IGFN1: variants seen among roughly 807,000 people sequenced by gnomAD.
The protein encoded by IGFN1 is immunoglobulin-like and fibronectin type III domain-containing protein 1.
In IGFN1, 253 loss-of-function variants were observed where a neutral mutation model predicts 289.5. The observed-to-expected ratio is 0.87, with a 90% CI of 0.79 to 0.97. IGFN1 has a LOEUF of 0.97. Among genes scored for constraint, IGFN1 ranks in the 50% least tolerant of loss-of-function variants. The pLI is 0.00. For synonymous variants in IGFN1, 1,706 were observed against 1,788.5 expected (o/e 0.95, Z 1.16); for missense variants, 4,470 against 4,686.1 (o/e 0.95, Z 1.35).
Position 201,208,994 on chromosome 1 carries a change from C to A in IGFN1, c.4101C>A (p.Ser1367=). ...KADYSGGLKG[S]REIGSMDETD... is the part of the protein sequence containing the mutation. The stretch of plus-strand genomic sequence containing the variant: ...ATTATAGCGGTGGTTTAAAGGGTTC[C>A]AGGGAAATCGGGTCAATGGATGAAA... Residue 1367 remains serine, a synonymous_variant, in exon 12 of 24, where the codon TCC becomes TCA. Transcript: ENST00000335211. 6.5e-7 allele frequency: 1 copy of A among 1,532,474 alleles called. No homozygotes were observed. Among genetic ancestry groups the A allele is most frequent in the East Asian group, 2.5e-5 (1 of 40,530 alleles). 94.9% of individuals were successfully genotyped at this position (1,532,474 alleles called of 1,614,324 possible). A position where few individuals can be genotyped will look rare whatever the true frequency, so the allele number is the denominator to read the frequency against.
intron 9 of IGFN1, among the ~76,000 whole-genome samples, chr1:201,202,993 T>C (rs1667232190): frequency 1.3e-5 from 2 of 152,126 alleles, no homozygotes; most frequent in Non-Finnish European, 2.9e-5. Context: ...TGGCCTCAAG[T>C]GATTCACCCG....
intron 11 of IGFN1, among the ~76,000 whole-genome samples, chr1:201,205,743 G>A (rs1667387163): frequency 6.6e-6 from 1 of 152,248 alleles, no homozygotes; most frequent in African/African-American, 2.4e-5. Flanking sequence ...GCAGGTGGTT[G>A]AGCAAGTCGA....
In IGFN1 at chr1:201,206,074, T is replaced by C. The variant is rs765213320; in HGVS notation, c.1190-9T>C. ...ACTGACCTTCCATATGAATAACCCCTCACTGAAGCTGGGAAGGATAAAGAC... is the reference window on the plus strand; with the variant it reads ...ACTGACCTTCCATATGAATAACCCCCCACTGAAGCTGGGAAGGATAAAGAC... On this transcript the variant is annotated splice_polypyrimidine_tract_variant and intron_variant, in intron 11 of 23. Transcript: ENST00000335211. The C allele has an allele frequency of 3.9e-6, 6 of 1,525,120 alleles. No homozygotes were observed. The highest frequency in any genetic ancestry group is 5.3e-6 in the Non-Finnish European group (6 of 1,124,872). The allele number at this position is 1,525,120 out of a possible 1,614,324, so 94.5% of individuals were successfully genotyped here.
At position 201,208,690 on chromosome 1, in the gene IGFN1, A is replaced by G. The variant is rs973837886; in HGVS notation, c.3797A>G (p.Asp1266Gly). 2 of 1,536,848 alleles carry G rather than the reference A, an allele frequency of 1.3e-6. No homozygotes were observed. The highest frequency in any genetic ancestry group is 1.7e-6 in the Non-Finnish European group (2 of 1,146,766). The change falls in exon 12 of 24, where the codon GAT becomes GGT. Residue 1266 changes from aspartate (D) to glycine (G), a missense_variant. Transcript: ENST00000335211. The part of the protein sequence containing the change: ...SGGLQGMGSA[D>G]GPGCRKGIGS... ...GGCCTCCAAGGAATGGGATCAGCAGATGGGCCAGGTTGTAGGAAGGGTATT... is the reference window on the plus strand; with the variant it reads ...GGCCTCCAAGGAATGGGATCAGCAGGTGGGCCAGGTTGTAGGAAGGGTATT...
chr1:201,193,402 C>T (rs936479397), intron 2 of IGFN1, 102 bp downstream of exon 2: 1 of 799,318 alleles, frequency 1.3e-6, no homozygotes, highest in Admixed American at 2.8e-5. Context: ...GGGAACTTGC[C>T]CATCTTGTTG....
chr1:201,208,835 G>C lies in IGFN1; in HGVS notation c.3942G>C (p.Gly1314=), dbSNP rs746338061. 6.5e-6 allele frequency: 10 copies of C among 1,535,914 alleles called. No homozygotes were observed. The African/African-American group carries it at 8.3e-5, about 13-fold the overall frequency. The part of the protein sequence containing the change: ...ADYRDGVGGS[G]AMGSMDEAGY... ...ATAGGGATGGTGTAGGGGGTTCTGG[G>C]GCAATGGGGTCAATGGATGAAGCAG... Residue 1314 remains glycine, a synonymous_variant, in exon 12 of 24, where the codon GGG becomes GGC. Transcript: ENST00000335211.
intron 16 of IGFN1, 102 bp from the exon 17 acceptor site, chr1:201,217,185 T>G (rs1571483385): frequency 9.9e-7 from 1 of 1,006,918 alleles, no homozygotes; most frequent in Non-Finnish European, 1.5e-6. Context: ...CAGGGCGGAG[T>G]GTGGCCTGTC....
In IGFN1 at chr1:201,212,800, A is replaced by G; in HGVS notation, c.7907A>G (p.Gln2636Arg). The change falls in exon 12 of 24, where the codon CAA (glutamine) becomes CGA (arginine). Residue 2636 changes from glutamine (Q) to arginine (R), a missense_variant. Gln to Arg is a conservative substitution (Grantham distance 43, BLOSUM62 1). Coordinates refer to ENST00000335211, the MANE Select transcript of IGFN1 (RefSeq NM_001164586.2). ...GATTGGGAAAACCAGGGGTTTAGCC[A>G]AGGCAGCATAGATGCTGGGAAGCAG... ...APDWENQGFS[Q>R]GSIDAGKQPA... is the part of the protein sequence containing the mutation. 2 of 1,551,488 alleles carry G rather than the reference A, an allele frequency of 1.3e-6. No individual in the cohort carries two copies. The highest frequency in any genetic ancestry group is 1.7e-6 in the Non-Finnish European group (2 of 1,146,908).
At position 201,212,268 on chromosome 1, in the gene IGFN1, G is replaced by C. The variant is rs1438195840; in HGVS notation, c.7375G>C (p.Asp2459His). 3 of 1,536,070 alleles carry C rather than the reference G, an allele frequency of 2.0e-6. No individual in the cohort carries two copies. Among genetic ancestry groups the C allele is most frequent in the Non-Finnish European group, 2.6e-6 (3 of 1,146,564 alleles). Reference sequence around the variant, plus strand: ...TCAGGGAGGGCGACAGACTCTTTCAGATGAGCGAGGCTCCACCAAAGATCT... The same window carrying C: ...TCAGGGAGGGCGACAGACTCTTTCACATGAGCGAGGCTCCACCAAAGATCT... ...GSQGGRQTLS[D>H]ERGSTKDLGG... is the part of the protein sequence containing the mutation. The change falls in exon 12 of 24, where the codon GAT becomes CAT. Residue 2459 changes from aspartate to histidine, a missense_variant. This residue lies in a region of IGFN1 where 2,218 missense variants were observed against 2,114.1 expected (regional missense o/e 1.05). Coordinates refer to ENST00000335211, the MANE Select transcript of IGFN1 (RefSeq NM_001164586.2).
At chr1:201,195,174 T>C (rs1292854317) in intron 3 of IGFN1, among the ~76,000 whole-genome samples, 1 of 151,764 alleles carries the variant, frequency 6.6e-6, no homozygotes, top group African/African-American at 2.4e-5. Flanking sequence ...TTTTTTGAGA[T>C]GGAGTCTCGC....
intron 18 of IGFN1, among the ~76,000 whole-genome samples, chr1:201,219,624 A>G (rs979803906): frequency 1.3e-5 from 2 of 152,262 alleles, no homozygotes; most frequent in Non-Finnish European, 2.9e-5. Flanking sequence ...GCCTACGCCA[A>G]GTCCTCTAGG....
chr1:201,215,960 T>G, intron 15 of IGFN1, 122 bp downstream of exon 15: 1 of 992,960 alleles, frequency 1.0e-6, no homozygotes, highest in Non-Finnish European at 1.6e-6. Context: ...TTGCATGCTG[T>G]TTAAGATCCA....
intron 21 of IGFN1, 105 bp downstream of exon 21, chr1:201,224,979 T>C: frequency 5.0e-6 from 4 of 802,892 alleles, no homozygotes; most frequent in Non-Finnish European, 3.8e-6. Flanking sequence ...CTACCAGGGC[T>C]GGGTATGCAA....
At chr1:201,192,525 G>A (rs1371943833) in intron 1 of IGFN1, among the ~76,000 whole-genome samples, 1 of 152,198 alleles carries the variant, frequency 6.6e-6, no homozygotes, top group Non-Finnish European at 1.5e-5. Context: ...TGAGAGAATG[G>A]AAAATACTCC....
At position 201,206,254 on chromosome 1, in the gene IGFN1, T is replaced by C. The variant is rs763811409; in HGVS notation, c.1361T>C (p.Leu454Pro). ...SLEGAGPASG[L>P]QHIASPDRDG... ...GAAGGGGCTGGGCCGGCTTCTGGGC[T>C]CCAGCACATAGCCAGCCCAGACAGG... The change falls in exon 12 of 24, where the codon CTC (leucine) becomes CCC (proline). Residue 454 changes from leucine (L) to proline (P), a missense_variant. Leu to Pro is a moderately conservative substitution (Grantham distance 98). Coordinates refer to ENST00000335211, the MANE Select transcript of IGFN1 (RefSeq NM_001164586.2). 6 of 1,547,918 alleles carry C rather than the reference T, an allele frequency of 3.9e-6. 1 individual carries two copies. In the South Asian group the frequency reaches 7.2e-5, roughly 18 times the overall value.
chr1:201,196,005 C>A, intron 4 of IGFN1, 27 bp downstream of exon 4: 1 of 1,548,910 alleles, frequency 6.5e-7, no homozygotes, highest in Non-Finnish European at 8.7e-7. Context: ...TTCCCCTGAC[C>A]AGGGTCTACT....
rs556178091 is a variant in IGFN1 at position 201,196,589 on chromosome 1, T to C, written c.267+611T>C. On this transcript the variant is annotated intron_variant, in intron 4 of 23. Transcript: ENST00000335211. ...TGAACTCCTGACCAACAATGATCCA[T>C]CCGCCTCGGCATCCCAAAGTGCTGG... 2.0e-5 allele frequency among the ~76,000 whole-genome samples: 3 copies of C among 152,250 alleles called. No individual in the cohort carries two copies. In the South Asian group the frequency reaches 6.2e-4, roughly 32 times the overall value.
chr1:201,194,602 C>G (rs76675481), intron 3 of IGFN1, among the ~76,000 whole-genome samples: 222 of 152,312 alleles, frequency 1.5e-3, no homozygotes, highest in African/African-American at 4.9e-3. Flanking sequence ...CTCCTCACCT[C>G]AAAGCCACTG....
At chr1:201,224,941 A>C (rs1351738956) in intron 21 of IGFN1, 67 bp downstream of exon 21, 1 of 1,236,466 alleles carries the variant, frequency 8.1e-7, no homozygotes, top group African/African-American at 1.5e-5. Context: ...AGAGGTGTCC[A>C]CTGGTCTGAT....
Sources: allele counts gnomAD v4.1 joint callset (sites outside exome capture counted in the v4.1 genomes callset), GRCh38; gene constraint gnomAD v4.1.1; regional missense constraint gnomAD v4.1.1; transcripts MANE v1.5; gene names NCBI Gene and HGNC (gene_info 2026-07-23, HGNC 2026-07-21).